Variants in GPC5 observed in about 807,000 individuals in gnomAD.
GPC5 encodes glypican-5.
A neutral mutation model predicts 53.9 loss-of-function variants in GPC5; 47 were observed. The ratio of observed to expected loss-of-function variants is 0.87; its 90% CI spans 0.69 to 1.11. The LOEUF is 1.11. Ranked by LOEUF, GPC5 falls within the 50% of genes most tolerant of loss-of-function variation. GPC5 has a pLI of 0.00. For synonymous variants in GPC5, 286 were observed against 263.3 expected, an observed-to-expected ratio of 1.09 and a Z score of -0.84; for missense variants, 748 against 713.1, an observed-to-expected ratio of 1.05 and a Z score of -0.56.
intron 7 of GPC5, among the ~76,000 whole-genome samples, chr13:92,576,976 T>A (rs189256469): frequency 6.6e-6 from 1 of 152,180 alleles, no homozygotes; most frequent in East Asian, 1.9e-4. Context: ...TTTTAAAAAA[T>A]TGAAGTGATG....
chr13:92,596,152 G>T (rs925323856), intron 7 of GPC5, among the ~76,000 whole-genome samples: 1 of 151,626 alleles, frequency 6.6e-6, no homozygotes, highest in African/African-American at 2.4e-5. Context: ...AATTTAAGTG[G>T]CAAACAAGGC....
At chr13:92,565,706 A>G (rs1158029135) in intron 7 of GPC5, among the ~76,000 whole-genome samples, 6 of 152,122 alleles carry the variant, frequency 3.9e-5, no homozygotes, top group Non-Finnish European at 8.8e-5. Context: ...TCAATTAAAT[A>G]TGTAGAAATT....
At chr13:91,953,296 T>C (rs1017674279) in intron 6 of GPC5, among the ~76,000 whole-genome samples, 2 of 152,156 alleles carry the variant, frequency 1.3e-5, no homozygotes, top group Admixed American at 6.5e-5. Flanking sequence ...TTAGGAGTTA[T>C]TTTTGAAATT....
intron 7 of GPC5, among the ~76,000 whole-genome samples, chr13:92,556,995 G>T (rs12429293): frequency 0.17 from 25,400 of 151,572 alleles, 2,141 homozygotes; most frequent in South Asian, 0.22. Flanking sequence ...GAGACACAGG[G>T]AATGTTTTAA....
At chr13:92,265,652 G>A (rs1015285112) in intron 7 of GPC5, among the ~76,000 whole-genome samples, 4 of 152,106 alleles carry the variant, frequency 2.6e-5, no homozygotes, top group African/African-American at 7.2e-5. Context: ...CATGGAAATA[G>A]AGGCTTTTTG....
intron 5 of GPC5, among the ~76,000 whole-genome samples, chr13:91,830,334 T>G (rs2038636297): frequency 6.6e-6 from 1 of 152,092 alleles, no homozygotes; most frequent in East Asian, 1.9e-4. Context: ...GCTGTTATCC[T>G]GTTCTTTTTT....
chr13:92,258,481 G>A (rs558219595), intron 7 of GPC5, among the ~76,000 whole-genome samples: 2 of 152,268 alleles, frequency 1.3e-5, no homozygotes, highest in Admixed American at 6.5e-5. Context: ...ATATAAATAT[G>A]TATTCTAGTC....
intron 6 of GPC5, among the ~76,000 whole-genome samples, chr13:92,074,821 C>G (rs1022004614): frequency 6.6e-6 from 1 of 152,180 alleles, no homozygotes; most frequent in African/African-American, 2.4e-5. Context: ...CTTCGCACAT[C>G]GCTACCTGAC....
At chr13:92,064,141 T>C (rs2041146182) in intron 6 of GPC5, among the ~76,000 whole-genome samples, 1 of 152,172 alleles carries the variant, frequency 6.6e-6, no homozygotes, top group African/African-American at 2.4e-5. Flanking sequence ...ACAAAACTAC[T>C]TCAGCAGTGC....
chr13:92,665,746 A>G (rs1162918342), intron 7 of GPC5, among the ~76,000 whole-genome samples: 2 of 152,196 alleles, frequency 1.3e-5, no homozygotes, highest in Middle Eastern at 3.2e-3. Context: ...GGAGGCAAAT[A>G]AACTATGTTG....
chr13:92,661,935 T>A (rs1178228261), intron 7 of GPC5, among the ~76,000 whole-genome samples: 1 of 152,216 alleles, frequency 6.6e-6, no homozygotes, highest in Admixed American at 6.5e-5. Context: ...CTTTGTTCAA[T>A]AACCTCTGTT....
intron 1 of GPC5, among the ~76,000 whole-genome samples, chr13:91,429,848 G>A (rs146743004): frequency 6.6e-6 from 1 of 152,290 alleles, no homozygotes; most frequent in African/African-American, 2.4e-5. Context: ...CCATGGTTAT[G>A]ATGGAAGTAT....
intron 7 of GPC5, among the ~76,000 whole-genome samples, chr13:92,472,357 G>C (rs1009241860): frequency 2.0e-5 from 3 of 152,020 alleles, no homozygotes; most frequent in African/African-American, 7.2e-5. Flanking sequence ...TGCTACTCCT[G>C]GTCTGCTGGA....
chr13:92,140,440 A>G (rs1381951678), intron 6 of GPC5, among the ~76,000 whole-genome samples: 1 of 152,226 alleles, frequency 6.6e-6, no homozygotes, highest in East Asian at 1.9e-4. Context: ...TCTTAGGTAC[A>G]TTTAGAAATT....
chr13:91,838,814 T>G (rs541498385), intron 5 of GPC5, among the ~76,000 whole-genome samples: 1 of 152,290 alleles, frequency 6.6e-6, no homozygotes, highest in African/African-American at 2.4e-5. Flanking sequence ...AATTGTTCTT[T>G]CTACTTCTAT....
At chr13:92,040,415 T>C (rs1224939616) in intron 6 of GPC5, among the ~76,000 whole-genome samples, 2 of 152,136 alleles carry the variant, frequency 1.3e-5, no homozygotes, top group East Asian at 3.9e-4. Context: ...CTGTAGGGAG[T>C]GGCTCAAGGC....
rs1566516275 is a variant in GPC5, at chr13:91,571,939, GTATATACATA to G, written c.326-121245_326-121236del. 1.5e-5 allele frequency among the ~76,000 whole-genome samples: 2 copies of G among 132,394 alleles called. 1 individual carries two copies. The highest frequency in any genetic ancestry group is 5.2e-4 in the South Asian group (2 of 3,828). 86.9% of individuals were successfully genotyped at this position (132,394 alleles called of 152,430 possible). A position where few individuals can be genotyped will look rare whatever the true frequency, so the allele number is the denominator to read the frequency against. On this transcript the variant is annotated intron_variant, in intron 2 of 7. Coordinates refer to ENST00000377067, the MANE Select transcript of GPC5 (RefSeq NM_004466.6). ...ACACATATTGTATATATACACACAT[GTATATACATA>G]TACACACATATATGTATATATGTGT... is the stretch of plus-strand genomic sequence containing the variant.
intron 2 of GPC5, among the ~76,000 whole-genome samples, chr13:91,618,185 G>A (rs1162818189): frequency 6.6e-6 from 1 of 152,098 alleles, no homozygotes; most frequent in African/African-American, 2.4e-5. Context: ...GATTTAGAAA[G>A]TAGTCCATGC....
chr13:92,798,226 T>C (rs561027392), intron 7 of GPC5, among the ~76,000 whole-genome samples: 1 of 151,980 alleles, frequency 6.6e-6, no homozygotes, highest in Non-Finnish European at 1.5e-5. Context: ...TGTAGCTCAA[T>C]CAAATTTCAG....
Sources: gnomAD v4.1 joint callset for allele counts (sites outside exome capture counted in the v4.1 genomes callset) on GRCh38, gnomAD v4.1.1 for gene constraint, MANE v1.5 for transcripts, NCBI Gene and HGNC (gene_info 2026-07-23, HGNC 2026-07-21) for gene names.